The following ADAMTS12 variants were observed in gnomAD, a reference collection of about 807,000 sequenced individuals.
ADAMTS12 encodes A disintegrin and metalloproteinase with thrombospondin motifs 12.
A neutral mutation model predicts 167.8 loss-of-function variants in ADAMTS12; 118 were observed. The observed-to-expected ratio is 0.70, with a 90% CI of 0.61 to 0.82. The LOEUF is 0.82. Ranked by LOEUF, ADAMTS12 falls within the 40% of genes least tolerant of loss-of-function variation. ADAMTS12 has a pLI of 0.00. For synonymous variants in ADAMTS12, 704 were observed against 716.9 expected (o/e 0.98, Z 0.29); for missense variants, 1,916 against 1,998.8 (o/e 0.96, Z 0.79).
rs900931903 is a variant in ADAMTS12, at chr5:33,746,075, T to C, written c.634+5329A>G. Among the ~76,000 whole-genome samples the C allele has an allele frequency of 2.6e-5, 4 of 152,310 alleles. No individual in the cohort carries two copies. The East Asian group carries it at 7.7e-4, about 29-fold the overall frequency. ...AACAAATATAGAGCAATAATTAAAA[T>C]GTTCGCTATCTCATAGCAAAGCAAA... On this transcript the variant is annotated intron_variant, in intron 3 of 23. Transcript: ENST00000504830.
At chr5:33,725,022 T>C (rs1376544247) in intron 3 of ADAMTS12, among the ~76,000 whole-genome samples, 1 of 152,170 alleles carries the variant, frequency 6.6e-6, no homozygotes, top group Non-Finnish European at 1.5e-5. Context: ...ACCTTCCCCC[T>C]GCCTTCCCCA....
chr5:33,759,688 A>C (rs925070051), intron 2 of ADAMTS12, among the ~76,000 whole-genome samples: 2 of 152,190 alleles, frequency 1.3e-5, no homozygotes, highest in Non-Finnish European at 2.9e-5. Flanking sequence ...TTGGTTTTAG[A>C]AGAAAACCCT....
In ADAMTS12 at chr5:33,549,363, C is replaced by T. The variant is rs1745144355; in HGVS notation, c.4146G>A (p.Gly1382=). The change falls in exon 21 of 24, where the codon GGG becomes GGA. Residue 1382 remains glycine, a synonymous_variant. Coordinates refer to ENST00000504830, the MANE Select transcript of ADAMTS12 (RefSeq NM_030955.4). ...NWSKCSRNCS[G]GFKIREIQCV... Reference sequence around the variant, plus strand: ...ACTGAATCTCGCGTATCTTGAAGCCCCCACTGCAGTTTCTGGAGCACTGTA... The same window carrying T: ...ACTGAATCTCGCGTATCTTGAAGCCTCCACTGCAGTTTCTGGAGCACTGTA... 1 of 1,613,794 alleles carries T rather than the reference C, an allele frequency of 6.2e-7. No homozygotes were observed. The highest frequency in any genetic ancestry group is 1.3e-5 in the African/African-American group (1 of 75,050).
intron 3 of ADAMTS12, among the ~76,000 whole-genome samples, chr5:33,708,424 G>A (rs961585729): frequency 6.6e-5 from 10 of 152,114 alleles, no homozygotes; most frequent in Non-Finnish European, 1.3e-4. Flanking sequence ...AATACCATTC[G>A]ACCCAGCAAT....
chr5:33,668,773 C>G (rs1253500558), intron 5 of ADAMTS12, among the ~76,000 whole-genome samples: 1 of 152,208 alleles, frequency 6.6e-6, no homozygotes, highest in Non-Finnish European at 1.5e-5. Context: ...CGTGAGCCTC[C>G]ACACCCGGCC....
intron 2 of ADAMTS12, among the ~76,000 whole-genome samples, chr5:33,823,104 A>G (rs993738751): frequency 1.6e-4 from 24 of 151,734 alleles, no homozygotes; most frequent in Admixed American, 3.3e-4. Context: ...AAAAAAAAAA[A>G]AAAGAAAGAA....
intron 2 of ADAMTS12, among the ~76,000 whole-genome samples, chr5:33,846,250 G>T (rs1748940345): frequency 6.6e-6 from 1 of 152,186 alleles, no homozygotes; most frequent in Non-Finnish European, 1.5e-5. Flanking sequence ...GGAGTTATCA[G>T]AAAACAGTGT....
chr5:33,602,674 G>A (rs923558711), intron 16 of ADAMTS12, among the ~76,000 whole-genome samples: 13 of 152,166 alleles, frequency 8.5e-5, no homozygotes, highest in African/African-American at 2.4e-4. Flanking sequence ...GGGTTATAGC[G>A]GAATAGGTGC....
intron 3 of ADAMTS12, 97 bp downstream of exon 3, chr5:33,751,294 AGAATACAGAGGAG>A: frequency 7.4e-7 from 1 of 1,354,280 alleles, no homozygotes; most frequent in Non-Finnish European, 1.0e-6. Flanking sequence ...TAAAAAAAAA[AGAATACAGAGGAG>A]ATAAGAGACT....
chr5:33,680,702 T>A (rs1177074868), intron 5 of ADAMTS12, among the ~76,000 whole-genome samples: 1 of 152,182 alleles, frequency 6.6e-6, no homozygotes, highest in Non-Finnish European at 1.5e-5. Flanking sequence ...AACTCATTAG[T>A]GAGGAGACAG....
intron 2 of ADAMTS12, among the ~76,000 whole-genome samples, chr5:33,754,861 A>AAAATAAAT (rs373100027): frequency 5.3e-5 from 8 of 152,090 alleles, no homozygotes; most frequent in Non-Finnish European, 7.4e-5. Flanking sequence ...ACTCCATCTC[A>AAAATAAAT]AAATAAATAA....
intron 2 of ADAMTS12, among the ~76,000 whole-genome samples, chr5:33,874,380 TACC>T (rs1750150766): frequency 6.6e-6 from 1 of 152,172 alleles, no homozygotes; most frequent in Non-Finnish European, 1.5e-5. Flanking sequence ...AAAAATGAGA[TACC>T]ACCACACATC....
intron 3 of ADAMTS12, among the ~76,000 whole-genome samples, chr5:33,724,012 T>G (rs1447652865): frequency 6.6e-6 from 1 of 152,210 alleles, no homozygotes; most frequent in Non-Finnish European, 1.5e-5. Flanking sequence ...CTAGCATCGT[T>G]GTCCTGAATA....
At chr5:33,540,061 A>G (rs575672232) in intron 22 of ADAMTS12, among the ~76,000 whole-genome samples, 1 of 152,370 alleles carries the variant, frequency 6.6e-6, no homozygotes, top group Non-Finnish European at 1.5e-5. Context: ...ATCCAAGGGA[A>G]GCCATGACAG....
At chr5:33,845,365 T>G (rs1748905453) in intron 2 of ADAMTS12, among the ~76,000 whole-genome samples, 1 of 152,142 alleles carries the variant, frequency 6.6e-6, no homozygotes, top group Non-Finnish European at 1.5e-5. Context: ...AAGAGCATAC[T>G]CAAAGAATGA....
At chr5:33,817,012 AAAAC>A (rs1480997329) in intron 2 of ADAMTS12, among the ~76,000 whole-genome samples, 2 of 152,192 alleles carry the variant, frequency 1.3e-5, no homozygotes, top group Admixed American at 1.3e-4. Context: ...TCAAGAATGA[AAAAC>A]AAACAGCCTC....
chr5:33,603,431 C>T (rs1738282230), intron 16 of ADAMTS12: 1 of 152,210 alleles, frequency 6.6e-6, no homozygotes, highest in Non-Finnish European at 1.5e-5. Flanking sequence ...AGATAAATTA[C>T]TTTCATTAAG....
At chr5:33,847,259 CTCAAGGGTAGCACCT>C (rs1410615541) in intron 2 of ADAMTS12, among the ~76,000 whole-genome samples, 1 of 152,138 alleles carries the variant, frequency 6.6e-6, no homozygotes, top group African/African-American at 2.4e-5. Context: ...CATGTCCAGA[CTCAAGGGTAGCACCT>C]TCATGCAAGC....
At chr5:33,643,825 G>A (rs1398303927) in intron 9 of ADAMTS12, among the ~76,000 whole-genome samples, 1 of 152,214 alleles carries the variant, frequency 6.6e-6, no homozygotes, top group Non-Finnish European at 1.5e-5. Flanking sequence ...CTAAACTGTG[G>A]CTGGAAGGCA....
Sources: gnomAD v4.1 joint callset for allele counts (sites outside exome capture counted in the v4.1 genomes callset) on GRCh38, gnomAD v4.1.1 for gene constraint, MANE v1.5 for transcripts, NCBI Gene and HGNC (gene_info 2026-07-23, HGNC 2026-07-21) for gene names.